The following SURF4 variants were observed in gnomAD, a reference collection of about 807,000 sequenced individuals.
The protein encoded by SURF4 is surfeit 4.
A neutral mutation model predicts 30.0 loss-of-function variants in SURF4; 3 were observed. The observed-to-expected ratio is 0.10, with a 90% CI of 0.05 to 0.26. The LOEUF (loss-of-function observed/expected upper bound fraction) is 0.26, where lower values mean the gene tolerates loss of function less well. Among genes scored for constraint, SURF4 ranks in the 10% least tolerant of loss-of-function variants. The pLI is 1.00. For missense variants in SURF4, 217 were observed against 350.8 expected, an observed-to-expected ratio of 0.62 and a Z score of 3.05; for synonymous variants, 143 against 139.9, an observed-to-expected ratio of 1.02 and a Z score of -0.16.
Position 133,370,834 on chromosome 9 carries a change from T to C in SURF4, c.49-3389A>G, listed in dbSNP as rs2130182896. 5 of 1,276,770 alleles carry C rather than the reference T, an allele frequency of 3.9e-6. No individual in the cohort carries two copies. The Admixed American group carries it at 6.9e-5, about 18-fold the overall frequency. The allele number at this position is 1,276,770 out of a possible 1,614,324, so 79.1% of individuals were successfully genotyped here. ...GCGACAGCAGAGCCAGAGGTGGCTG[T>C]TGACCTGGCAGGCTGCAGGAAGAAG... On this transcript the variant is annotated intron_variant, in intron 1 of 5. Coordinates refer to ENST00000371989, the MANE Select transcript of SURF4 (RefSeq NM_033161.4).
At chr9:133,372,209 T>C (rs1370188401) in intron 1 of SURF4, among the ~76,000 whole-genome samples, 1 of 152,218 alleles carries the variant, frequency 6.6e-6, no homozygotes, top group African/African-American at 2.4e-5. Context: ...ACACTGTCCC[T>C]GGCTGCCAGA....
intron 1 of SURF4, among the ~76,000 whole-genome samples, chr9:133,373,316 A>C (rs1837616122): frequency 6.6e-6 from 1 of 152,190 alleles, no homozygotes; most frequent in Non-Finnish European, 1.5e-5. Flanking sequence ...TACATGATGA[A>C]GGCTGGGCGC....
chr9:133,367,320 G>C lies in SURF4; in HGVS notation c.174C>G (p.Thr58=), dbSNP rs1375009346. The C allele has an allele frequency of 1.2e-6, 2 of 1,614,166 alleles. No homozygotes were observed. Among genetic ancestry groups the C allele is most frequent in the Non-Finnish European group, 8.5e-7 (1 of 1,180,064 alleles). Residue 58 remains threonine (T), a synonymous_variant, in exon 2 of 6, where the codon ACC becomes ACG. Coordinates refer to ENST00000371989, the MANE Select transcript of SURF4 (RefSeq NM_033161.4). ...AGGCCAGCAGGTAGCCGCAGTTCCA[G>C]GTGGTGTCGATGTAGTCGCGCTGCT... The part of the protein sequence containing the change: ...WSEQRDYIDT[T]WNCGYLLASS...
Position 133,366,647 on chromosome 9 carries a change from G to A in SURF4, c.264C>T (p.Asn88=), listed in dbSNP as rs781973156. The A allele has an allele frequency of 6.2e-7, 1 of 1,613,786 alleles. No individual in the cohort carries two copies. Among genetic ancestry groups the A allele is most frequent in the African/African-American group, 1.3e-5 (1 of 74,908 alleles). The change falls in exon 3 of 6, where the codon AAC becomes AAT. Residue 88 remains asparagine (N), a synonymous_variant. Coordinates refer to ENST00000371989, the MANE Select transcript of SURF4 (RefSeq NM_033161.4). ...LTGCVLVLSR[N]FVQYACFGLF... ...GCCCGAAGCAGGCGTACTGCACGAA[G>A]TTCCTGCTCAACACCAGGACGCAGC... is the stretch of plus-strand genomic sequence containing the variant.
chr9:133,371,584 C>T (rs2130190530), intron 1 of SURF4, among the ~76,000 whole-genome samples: 23 of 152,242 alleles, frequency 1.5e-4, no homozygotes, highest in African/African-American at 4.8e-4. Context: ...CTCTGCTCCT[C>T]GCCCGCACTC....
At chr9:133,373,701 T>C (rs2130211615) in intron 1 of SURF4, among the ~76,000 whole-genome samples, 1 of 151,672 alleles carries the variant, frequency 6.6e-6, no homozygotes, top group African/African-American at 2.4e-5. Context: ...GCGGACCACC[T>C]GAGGTCGGGA....
At chr9:133,376,855 A>C (rs2130251819), upstream of SURF4, among the ~76,000 whole-genome samples, 1 of 152,180 alleles carries the variant, frequency 6.6e-6, no homozygotes, top group Non-Finnish European at 1.5e-5. Flanking sequence ...GCTTGGGTCC[A>C]CCGAGGCAGG....
In SURF4 at chr9:133,375,473, C is replaced by T. The variant is rs908284962; in HGVS notation, c.48+449G>A. 14 of 963,004 alleles carry T rather than the reference C, an allele frequency of 1.5e-5. 1 individual carries two copies. The highest frequency in any genetic ancestry group is 5.2e-4 in the Middle Eastern group (1 of 1,908). The allele number at this position is 963,004 out of a possible 1,614,324, so 59.7% of individuals were successfully genotyped here. A position where few individuals can be genotyped will look rare whatever the true frequency, so the allele number is the denominator to read the frequency against. On this transcript the variant is annotated intron_variant, in intron 1 of 5. Transcript: ENST00000371989. Reference sequence around the variant, plus strand: ...CGCCCCCTTTCCTCTGGGAGGACCCCCGGCCCCCGTTCGTCCCCGAGCTCC... The same window carrying T: ...CGCCCCCTTTCCTCTGGGAGGACCCTCGGCCCCCGTTCGTCCCCGAGCTCC...
rs2130233988 is a variant in SURF4 at position 133,375,219 on chromosome 9, C to T, written c.48+703G>A. 10 of 985,430 alleles carry T rather than the reference C, an allele frequency of 1.0e-5. No homozygotes were observed. In the East Asian group the frequency reaches 9.1e-4, roughly 90 times the overall value. The allele number at this position is 985,430 out of a possible 1,614,324, so 61.0% of individuals were successfully genotyped here. A position where few individuals can be genotyped will look rare whatever the true frequency, so the allele number is the denominator to read the frequency against. On this transcript the variant is annotated intron_variant, in intron 1 of 5. Transcript: ENST00000371989. Reference sequence around the variant, plus strand: ...CCCAACCGCCTGTTTCAAAGGCTTCCCTGTTGCTCAGAATGCCACCTGGAC... The same window carrying T: ...CCCAACCGCCTGTTTCAAAGGCTTCTCTGTTGCTCAGAATGCCACCTGGAC...
intron 5 of SURF4, among the ~76,000 whole-genome samples, chr9:133,364,616 C>T (rs2130104992): frequency 1.3e-5 from 2 of 151,122 alleles, no homozygotes; most frequent in African/African-American, 4.9e-5. Context: ...GGCGTGAACC[C>T]GGGAGGCGGA....
At chr9:133,376,240 CCT>C (rs1588729155), upstream of SURF4, 2 of 1,296,916 alleles carry the variant, frequency 1.5e-6, no homozygotes, top group East Asian at 6.5e-5. Flanking sequence ...CGACGCCACG[CCT>C]CTCACGCTGG....
intron 2 of SURF4, 86 bp from the exon 3 acceptor site, chr9:133,366,761 CT>C: frequency 7.6e-7 from 1 of 1,314,462 alleles, no homozygotes; most frequent in Non-Finnish European, 1.1e-6. Context: ...TCACCTGGCC[CT>C]TAGGTCCAGA....
chr9:133,365,910 G>A (rs1181435568), intron 4 of SURF4, 75 bp downstream of exon 4: 1 of 1,451,068 alleles, frequency 6.9e-7, no homozygotes, highest in Non-Finnish European at 9.6e-7. Context: ...CCATTTTGGA[G>A]CATTTCAGAC....
At chr9:133,364,728 C>T in intron 5 of SURF4, 112 bp downstream of exon 5, 1 of 1,004,952 alleles carries the variant, frequency 1.0e-6, no homozygotes, top group Non-Finnish European at 1.4e-6. Context: ...ATTTCAGCAG[C>T]TCCCCCAGGC....
In SURF4 at chr9:133,367,287, G is replaced by C; in HGVS notation, c.207C>G (p.Phe69Leu). ...WNCGYLLASSFVFLNLLGQLT... is the reference protein window; with the variant it reads ...WNCGYLLASSLVFLNLLGQLT... ...GCTGTCCCAGCAAGTTGAGGAAGACGAAGGACGAGGCCAGCAGGTAGCCGC... is the reference window on the plus strand; with the variant it reads ...GCTGTCCCAGCAAGTTGAGGAAGACCAAGGACGAGGCCAGCAGGTAGCCGC... Residue 69 changes from phenylalanine (F) to leucine (L), a missense_variant, in exon 2 of 6, where the codon TTC (phenylalanine) becomes TTG (leucine). Physicochemically the swap from Phe to Leu is conservative, Grantham distance 22. Transcript: ENST00000371989. The C allele has an allele frequency of 6.2e-7, 1 of 1,614,208 alleles. No individual in the cohort carries two copies. Among genetic ancestry groups the C allele is most frequent in the Non-Finnish European group, 8.5e-7 (1 of 1,180,028 alleles).
chr9:133,366,701 G>A (rs2130131948), intron 2 of SURF4, 26 bp from the exon 3 acceptor site: 2 of 1,610,696 alleles, frequency 1.2e-6, no homozygotes, highest in Middle Eastern at 1.7e-4. Context: ...AGGGTTAGGG[G>A]GCCTGAGGGT....
chr9:133,367,470 G>T, intron 1 of SURF4, 25 bp from the exon 2 acceptor site: 2 of 1,611,612 alleles, frequency 1.2e-6, no homozygotes, highest in Non-Finnish European at 8.5e-7. Flanking sequence ...AAACCCAAGG[G>T]TGAGGTGGCT....
intron 1 of SURF4, among the ~76,000 whole-genome samples, chr9:133,371,451 T>C (rs1332131903): frequency 6.6e-6 from 1 of 152,170 alleles, no homozygotes; most frequent in Non-Finnish European, 1.5e-5. Context: ...GCCAGCCCAA[T>C]GTGGGAGATG....
upstream of SURF4, chr9:133,376,641 C>A: frequency 7.6e-7 from 1 of 1,315,118 alleles, no homozygotes; most frequent in Non-Finnish European, 1.0e-6. Flanking sequence ...GCGGTTCCGA[C>A]CGAGGGCGGC....
Sources: allele counts gnomAD v4.1 joint callset (sites outside exome capture counted in the v4.1 genomes callset), GRCh38; gene constraint gnomAD v4.1.1; transcripts MANE v1.5; gene names NCBI Gene and HGNC (gene_info 2026-07-23, HGNC 2026-07-21).